The following UNC13C variants were observed in gnomAD, a reference collection of about 807,000 sequenced individuals.
UNC13C encodes unc-13 homolog C, also known as protein unc-13 homolog C.
A neutral mutation model predicts 245.4 loss-of-function variants in UNC13C; 174 were observed. The observed-to-expected ratio is 0.71, with a 90% CI of 0.63 to 0.80. The LOEUF (loss-of-function observed/expected upper bound fraction) is 0.80, where lower values mean the gene tolerates loss of function less well. Among genes scored for constraint, UNC13C ranks in the 30% least tolerant of loss-of-function variants. The pLI, the probability that UNC13C is intolerant of heterozygous loss-of-function variation, is 0.00. For synonymous variants in UNC13C, 992 were observed against 895.1 expected (o/e 1.11, Z -1.93); for missense variants, 2,829 against 2,602.9 (o/e 1.09, Z -1.89).
chr15:54,199,066 A>G (rs968868705), intron 4 of UNC13C, among the ~76,000 whole-genome samples: 1 of 151,990 alleles, frequency 6.6e-6, no homozygotes, highest in Non-Finnish European at 1.5e-5. Context: ...TCTCAGCAAT[A>G]GAATCAAACA....
chr15:54,273,348 T>C (rs914434118), intron 10 of UNC13C, among the ~76,000 whole-genome samples: 1 of 152,172 alleles, frequency 6.6e-6, no homozygotes, highest in Non-Finnish European at 1.5e-5. Context: ...ACTGTGTCCC[T>C]ATCTCCCTCC....
chr15:54,587,654 C>T (rs1898564060), intron 30 of UNC13C, among the ~76,000 whole-genome samples: 1 of 152,102 alleles, frequency 6.6e-6, no homozygotes, highest in South Asian at 2.1e-4. Flanking sequence ...TTACACTGCT[C>T]CTCCCCTCTG....
At chr15:54,584,133 G>A (rs1159594611) in intron 30 of UNC13C, among the ~76,000 whole-genome samples, 3 of 152,130 alleles carry the variant, frequency 2.0e-5, no homozygotes, top group Admixed American at 1.3e-4. Context: ...CTTGGCCAGG[G>A]CTCTCCTGGA....
At chr15:54,122,923 T>C (rs1032737494) in intron 2 of UNC13C, among the ~76,000 whole-genome samples, 7 of 152,086 alleles carry the variant, frequency 4.6e-5, no homozygotes, top group Non-Finnish European at 5.9e-5. Context: ...AAATTTCACA[T>C]TTAAGTATTC....
At chr15:54,478,809 T>C (rs1892926588) in intron 19 of UNC13C, among the ~76,000 whole-genome samples, 1 of 152,166 alleles carries the variant, frequency 6.6e-6, no homozygotes, top group Non-Finnish European at 1.5e-5. Flanking sequence ...TGGAGAGTTC[T>C]GTAGATGTCT....
chr15:54,391,200 T>C (rs1253233660), intron 17 of UNC13C, among the ~76,000 whole-genome samples: 1 of 152,088 alleles, frequency 6.6e-6, no homozygotes, highest in Non-Finnish European at 1.5e-5. Flanking sequence ...ACTTAAAATA[T>C]GTAAGACATA....
intron 5 of UNC13C, 101 bp from the exon 6 acceptor site, chr15:54,236,329 T>C (rs549524424): frequency 4.5e-6 from 4 of 886,670 alleles, no homozygotes; most frequent in Non-Finnish European, 7.1e-6. Flanking sequence ...GTGGAAATAA[T>C]TGTAAAGTGT....
chr15:53,859,867 T>C, the UNC13C span, among the ~76,000 whole-genome samples: 1 of 152,172 alleles, frequency 6.6e-6, no homozygotes, highest in African/African-American at 2.4e-5. Flanking sequence ...GGGATCTGTT[T>C]TCTCTAACGG....
chr15:54,006,490 A>G (rs149299314), intron 1 of UNC13C, among the ~76,000 whole-genome samples: 1 of 152,290 alleles, frequency 6.6e-6, no homozygotes, highest in East Asian at 1.9e-4. Context: ...CCTTAAAGTA[A>G]GGCAAAAAAC....
chr15:54,438,842 C>T (rs976473266), intron 19 of UNC13C, among the ~76,000 whole-genome samples: 5 of 151,916 alleles, frequency 3.3e-5, no homozygotes, highest in African/African-American at 9.7e-5. Context: ...CCTTCAAGAT[C>T]GCTAAGTAAC....
chr15:53,992,666 C>G (rs1370693984), intron 1 of UNC13C, among the ~76,000 whole-genome samples: 2 of 152,084 alleles, frequency 1.3e-5, no homozygotes, highest in Non-Finnish European at 2.9e-5. Flanking sequence ...AGAATTCAAC[C>G]TTCTCTAGAG....
chr15:53,938,378 G>C, the UNC13C span, among the ~76,000 whole-genome samples: 10 of 152,300 alleles, frequency 6.6e-5, no homozygotes, highest in East Asian at 1.9e-3. Flanking sequence ...CATGAAGCAA[G>C]TTCTTAGAGA....
the UNC13C span, among the ~76,000 whole-genome samples, chr15:53,934,697 C>G: frequency 6.6e-6 from 1 of 152,224 alleles, no homozygotes; most frequent in Non-Finnish European, 1.5e-5. Flanking sequence ...ATACTCATTT[C>G]TCATAGTTTT....
intron 19 of UNC13C, among the ~76,000 whole-genome samples, chr15:54,475,236 T>C (rs138481466): frequency 5.9e-5 from 9 of 151,658 alleles, no homozygotes; most frequent in Non-Finnish European, 1.0e-4. Flanking sequence ...CTTTAATATA[T>C]TTTGAGTTTA....
intron 2 of UNC13C, among the ~76,000 whole-genome samples, chr15:54,105,939 T>C (rs897544436): frequency 4.6e-5 from 7 of 152,308 alleles, no homozygotes; most frequent in African/African-American, 7.2e-5. Context: ...AGGAGGAAGA[T>C]TGGCAGAGTT....
intron 10 of UNC13C, among the ~76,000 whole-genome samples, chr15:54,282,654 C>G (rs1242235735): frequency 6.6e-6 from 1 of 152,176 alleles, no homozygotes; most frequent in African/African-American, 2.4e-5. Context: ...GTGCCCTCTG[C>G]TGACAAGTGC....
chr15:54,268,276 T>C (rs187481343), intron 10 of UNC13C, among the ~76,000 whole-genome samples: 1 of 152,236 alleles, frequency 6.6e-6, no homozygotes, highest in East Asian at 1.9e-4. Context: ...ATATTAGGCA[T>C]TTTCTTTTCC....
intron 30 of UNC13C, among the ~76,000 whole-genome samples, chr15:54,568,855 G>A (rs1897627264): frequency 6.6e-6 from 1 of 152,018 alleles, no homozygotes; most frequent in South Asian, 2.1e-4. Context: ...CTATATCAAA[G>A]ATAAAGCTAA....
chr15:54,000,164 G>C (rs1017787999), intron 1 of UNC13C, among the ~76,000 whole-genome samples: 5 of 152,074 alleles, frequency 3.3e-5, no homozygotes, highest in Non-Finnish European at 7.4e-5. Flanking sequence ...CTAAAATAGA[G>C]TCTTAAAGAA....
Sources: gnomAD v4.1 joint callset for allele counts (sites outside exome capture counted in the v4.1 genomes callset) on GRCh38, gnomAD v4.1.1 for gene constraint, MANE v1.5 for transcripts, NCBI Gene and HGNC (gene_info 2026-07-23, HGNC 2026-07-21) for gene names.